NRXN3: variants seen among roughly 807,000 people sequenced by gnomAD.
NRXN3 encodes neurexin III.
In NRXN3, 32 loss-of-function variants were observed where a neutral mutation model predicts 137.6. The ratio of observed to expected loss-of-function variants is 0.23; its 90% CI spans 0.18 to 0.31. NRXN3 has a LOEUF of 0.31. NRXN3 is among the 10% of genes least tolerant of loss of function. The pLI is 1.00. For synonymous variants in NRXN3, 798 were observed against 784.5 expected, an observed-to-expected ratio of 1.02 and a Z score of -0.29; for missense variants, 1,574 against 2,062.5, an observed-to-expected ratio of 0.76 and a Z score of 4.59.
chr14:78,796,791 C>T (rs1213806973), intron 8 of NRXN3, among the ~76,000 whole-genome samples: 1 of 152,080 alleles, frequency 6.6e-6, no homozygotes, highest in Non-Finnish European at 1.5e-5. Flanking sequence ...TAAACGTGAT[C>T]TCTCAACCAA....
intron 20 of NRXN3, among the ~76,000 whole-genome samples, chr14:79,835,965 T>C (rs1053458072): frequency 3.3e-5 from 5 of 152,150 alleles, no homozygotes; most frequent in African/African-American, 1.2e-4. Context: ...ATGCGTAGAA[T>C]AGCCTCACTT....
chr14:78,767,786 A>T (rs891496318), intron 8 of NRXN3, among the ~76,000 whole-genome samples: 1 of 152,184 alleles, frequency 6.6e-6, no homozygotes, highest in African/African-American at 2.4e-5. Context: ...AGAAAGTGTT[A>T]TAACACCTAT....
Position 78,698,795 on chromosome 14 carries a change from A to G in NRXN3, c.1222-10422A>G, listed in dbSNP as rs75477253. On this transcript the variant is annotated intron_variant, in intron 6 of 20. Coordinates refer to ENST00000335750, the MANE Select transcript of NRXN3 (RefSeq NM_001330195.2). ...AAAAATAAAAGCAAATTTTCTATGC[A>G]TACATGCCGGGGAAAACTCTACTAA... Among the ~76,000 whole-genome samples the G allele has an allele frequency of 1.4e-3, 213 of 152,232 alleles. 3 individuals are homozygous for G. The highest frequency in any genetic ancestry group is 5.0e-3 in the African/African-American group (209 of 41,524).
intron 3 of NRXN3, among the ~76,000 whole-genome samples, chr14:78,287,155 G>A (rs2075270240): frequency 1.3e-5 from 2 of 152,188 alleles, no homozygotes; most frequent in African/African-American, 2.4e-5. Flanking sequence ...TGAAGATGAA[G>A]GGACCTGAAA....
At chr14:79,665,298 A>G (rs1467107250) in intron 17 of NRXN3, among the ~76,000 whole-genome samples, 1 of 152,160 alleles carries the variant, frequency 6.6e-6, no homozygotes, top group Non-Finnish European at 1.5e-5. Context: ...CTCGGTTTCC[A>G]TAAAACAGCC....
intron 6 of NRXN3, among the ~76,000 whole-genome samples, chr14:78,704,846 G>C (rs966129580): frequency 1.3e-4 from 20 of 152,044 alleles, no homozygotes; most frequent in African/African-American, 4.8e-4. Context: ...GCACATGGTA[G>C]GCTCTTTTCT....
chr14:79,833,017 C>T (rs907479784), intron 20 of NRXN3, among the ~76,000 whole-genome samples: 3 of 152,064 alleles, frequency 2.0e-5, no homozygotes, highest in African/African-American at 7.2e-5. Flanking sequence ...ACCTACTATT[C>T]AGTGACTAAT....
rs200777606 is a variant in NRXN3, at chr14:78,919,752, T to TTACTATAATGGTC, written c.2276-37490_2276-37489insTACTATAATGGTC. The stretch of plus-strand genomic sequence containing the variant: ...ATATTGAACATAACTTATTTGGCCT[T>TTACTATAATGGTC]ATTACTATAATGGTCATTAGAATAT... On this transcript the variant is annotated intron_variant, in intron 10 of 20. Transcript: ENST00000335750. Among the ~76,000 whole-genome samples, 637 of 152,322 alleles carry TTACTATAATGGTC rather than the reference T, an allele frequency of 4.2e-3. 19 individuals carry two copies. The highest frequency in any genetic ancestry group is 0.036 in the Admixed American group (548 of 15,290).
chr14:78,845,417 T>C (rs1415003752), intron 10 of NRXN3, among the ~76,000 whole-genome samples: 2 of 152,156 alleles, frequency 1.3e-5, no homozygotes, highest in Non-Finnish European at 2.9e-5. Context: ...TATATCCCTC[T>C]ATAAATTCTT....
chr14:79,113,518 T>A (rs752671163), intron 15 of NRXN3, among the ~76,000 whole-genome samples: 2 of 152,210 alleles, frequency 1.3e-5, no homozygotes, highest in Non-Finnish European at 2.9e-5. Context: ...TCAAAATTAC[T>A]CCTGATAATG....
intron 4 of NRXN3, among the ~76,000 whole-genome samples, chr14:78,388,617 G>A (rs1390399361): frequency 6.6e-6 from 1 of 152,090 alleles, no homozygotes; most frequent in African/African-American, 2.4e-5. Flanking sequence ...TTTGCTCTAC[G>A]ATGGTAGAGT....
chr14:78,233,163 C>T (rs1163622336), intron 1 of NRXN3, among the ~76,000 whole-genome samples: 2 of 152,100 alleles, frequency 1.3e-5, no homozygotes, highest in Non-Finnish European at 2.9e-5. Flanking sequence ...TTATTTCTGT[C>T]CTTTGTGTAG....
intron 19 of NRXN3, among the ~76,000 whole-genome samples, chr14:79,752,955 A>C (rs1314002698): frequency 6.6e-6 from 1 of 152,206 alleles, no homozygotes; most frequent in Admixed American, 6.5e-5. Flanking sequence ...TGCAACCAAA[A>C]GACACATGAA....
chr14:78,401,737 T>C (rs2092083149), intron 4 of NRXN3, among the ~76,000 whole-genome samples: 1 of 152,212 alleles, frequency 6.6e-6, no homozygotes, highest in Non-Finnish European at 1.5e-5. Flanking sequence ...ATTTTCTAAC[T>C]TGTATAAAGC....
At chr14:78,356,095 G>T (rs17107444) in intron 4 of NRXN3, among the ~76,000 whole-genome samples, 4,040 of 152,296 alleles carry the variant, frequency 0.027, 149 homozygotes, top group African/African-American at 0.087. Context: ...ATTGCAAAGG[G>T]AAAGGCCAAT....
At chr14:78,240,141 C>A (rs2066893829) in intron 1 of NRXN3, among the ~76,000 whole-genome samples, 1 of 152,198 alleles carries the variant, frequency 6.6e-6, no homozygotes, top group African/African-American at 2.4e-5. Context: ...GAAATTTTAG[C>A]AGTTGGCTCT....
At chr14:78,394,900 G>A (rs748368703) in intron 4 of NRXN3, among the ~76,000 whole-genome samples, 121 of 151,672 alleles carry the variant, frequency 8.0e-4, no homozygotes, top group African/African-American at 2.8e-3. Flanking sequence ...TGATATGTTC[G>A]GGGGCTGTAG....
intron 4 of NRXN3, among the ~76,000 whole-genome samples, chr14:78,569,385 C>G (rs1320286485): frequency 6.6e-6 from 1 of 151,278 alleles, no homozygotes; most frequent in Non-Finnish European, 1.5e-5. Flanking sequence ...CCTGCCTCAG[C>G]CTTCTGAGTA....
At chr14:78,206,329 T>C (rs1429378008) in intron 1 of NRXN3, among the ~76,000 whole-genome samples, 2 of 152,194 alleles carry the variant, frequency 1.3e-5, no homozygotes, top group Admixed American at 6.5e-5. Flanking sequence ...TCAGACACAG[T>C]ATCCCATGAA....
Sources: gnomAD v4.1 joint callset for allele counts (sites outside exome capture counted in the v4.1 genomes callset) on GRCh38, gnomAD v4.1.1 for gene constraint, MANE v1.5 for transcripts, NCBI Gene and HGNC (gene_info 2026-07-23, HGNC 2026-07-21) for gene names.